FAM47E: variants seen among roughly 807,000 people sequenced by gnomAD.
FAM47E encodes the protein protein FAM47E.
In FAM47E, 32 loss-of-function variants were observed where a neutral mutation model predicts 41.6. That is an observed-to-expected ratio of 0.77 (90% confidence interval 0.58 to 1.03). The LOEUF is 1.03. FAM47E is among the 50% of genes least tolerant of loss of function. The pLI, the probability that FAM47E is intolerant of heterozygous loss-of-function variation, is 0.00. For synonymous variants in FAM47E, 184 were observed against 188.7 expected (o/e 0.98, Z 0.20); for missense variants, 424 against 485.4 (o/e 0.87, Z 1.19).
At chr4:76,252,865 C>T (rs1486868100) in intron 1 of FAM47E, among the ~76,000 whole-genome samples, 3 of 152,188 alleles carry the variant, frequency 2.0e-5, no homozygotes, top group Non-Finnish European at 2.9e-5. Context: ...CAGGAAACGT[C>T]ATTGGCAGAA....
At chr4:76,236,524 A>T (rs1733588909) in intron 2 of FAM47E, 1 of 152,124 alleles carries the variant, frequency 6.6e-6, no homozygotes, top group Non-Finnish European at 1.5e-5. Flanking sequence ...CCCTCAGGAG[A>T]TCCTGAGAAC....
chr4:76,263,511 G>T (rs1249714518), intron 2 of FAM47E, among the ~76,000 whole-genome samples, 193 bp from the exon 3 acceptor site: 2 of 151,916 alleles, frequency 1.3e-5, no homozygotes, highest in Non-Finnish European at 2.9e-5. Flanking sequence ...TTAACATTTG[G>T]GATTATGCCT....
At chr4:76,237,284 G>A (rs536139494) in intron 2 of FAM47E, among the ~76,000 whole-genome samples, 1 of 151,640 alleles carries the variant, frequency 6.6e-6, no homozygotes, top group East Asian at 1.9e-4. Context: ...TTCCCATCAT[G>A]CCTCAGGTTT....
chr4:76,253,375 A>C (rs1734053055), intron 1 of FAM47E, among the ~76,000 whole-genome samples: 1 of 152,126 alleles, frequency 6.6e-6, no homozygotes, highest in African/African-American at 2.4e-5. Flanking sequence ...ATACTTTTTC[A>C]TTTCTTTAGG....
chr4:76,214,317 A>G (rs965970319), exon 1 of FAM47E: 6 of 455,996 alleles, frequency 1.3e-5, no homozygotes, highest in African/African-American at 4.0e-5. Flanking sequence ...AGGGCCCCAC[A>G]TTGAACTGGG....
At chr4:76,239,374 C>T (rs1407519621) in intron 2 of FAM47E, among the ~76,000 whole-genome samples, 1 of 152,204 alleles carries the variant, frequency 6.6e-6, no homozygotes, top group Non-Finnish European at 1.5e-5. Context: ...AATTTCTCCA[C>T]ATCCTTGCCA....
chr4:76,256,453 A>G lies in FAM47E; in HGVS notation c.350A>G (p.Asp117Gly). Residue 117 changes from aspartate (D) to glycine (G), a missense_variant, in exon 2 of 8, where the codon GAC (aspartate) becomes GGC (glycine). Coordinates refer to ENST00000424749, the MANE Select transcript of FAM47E (RefSeq NM_001136570.3). Reference sequence around the variant, plus strand: ...CAGGCTCGGAAGGCATTCCTGGAGGACGTGGAGGCCCACCTGACCCCACAT... The same window carrying G: ...CAGGCTCGGAAGGCATTCCTGGAGGGCGTGGAGGCCCACCTGACCCCACAT... Reference protein sequence around the residue: ...AQQARKAFLEDVEAHLTPHPL... With the variant: ...AQQARKAFLEGVEAHLTPHPL... 1.3e-6 allele frequency: 2 copies of G among 1,551,938 alleles called. No homozygotes were observed. The highest frequency in any genetic ancestry group is 1.7e-6 in the Non-Finnish European group (2 of 1,147,190).
intron 1 of FAM47E, 39 bp downstream of exon 1, chr4:76,251,859 C>G (rs1241559434): frequency 7.3e-7 from 1 of 1,370,138 alleles, no homozygotes. Flanking sequence ...GCATCCCACG[C>G]GGGCCGCGCG....
At position 76,271,683 on chromosome 4, in the gene FAM47E, T is replaced by G. The variant is rs960123621; in HGVS notation, c.785T>G (p.Leu262Arg). The change falls in exon 5 of 8, where the codon CTA (leucine) becomes CGA (arginine). Residue 262 changes from leucine (L) to arginine (R), a missense_variant. By Grantham distance (102) the Leu-to-Arg change is moderately radical (BLOSUM62 -2). Transcript: ENST00000424749. ...TMKLNQVPLE[L>R]KRSVGLSKLQ... ...AAGCTAAATCAGGTTCCTCTGGAGCTAAAGCGTAGTGTGGGGCTCAGTAAA... is the reference window on the plus strand; with the variant it reads ...AAGCTAAATCAGGTTCCTCTGGAGCGAAAGCGTAGTGTGGGGCTCAGTAAA... 6.4e-7 allele frequency: 1 copy of G among 1,552,010 alleles called. No individual in the cohort carries two copies. Among genetic ancestry groups the G allele is most frequent in the Admixed American group, 2.0e-5 (1 of 51,004 alleles).
chr4:76,214,456 A>G, intron 1 of FAM47E: 2 of 371,250 alleles, frequency 5.4e-6, no homozygotes, highest in Non-Finnish European at 1.1e-5. Context: ...GAAAGAGCAA[A>G]ACCTGTAGGA....
intron 2 of FAM47E, among the ~76,000 whole-genome samples, chr4:76,262,993 C>T (rs1204445656): frequency 6.6e-6 from 1 of 151,968 alleles, no homozygotes; most frequent in African/African-American, 2.4e-5. Flanking sequence ...TCTCAAACTC[C>T]TGGCCTCATG....
At chr4:76,236,982 G>A (rs556855174) in intron 2 of FAM47E, among the ~76,000 whole-genome samples, 165 of 149,410 alleles carry the variant, frequency 1.1e-3, no homozygotes, top group African/African-American at 3.7e-3. Flanking sequence ...TGCAAGCTCC[G>A]TCTCCCAGGT....
Position 76,251,774 on chromosome 4 carries a change from C to T in FAM47E, c.28C>T (p.Pro10Ser). Reference protein sequence around the residue: MADRRRRLRPGTLAPVREGV... With the variant: MADRRRRLRSGTLAPVREGV... ...GGCGGACCGCAGGCGGCGGCTCCGG[C>T]CGGGGACGTTGGCCCCGGTGCGCGA... The change falls in exon 1 of 8, where the codon CCG becomes TCG. Residue 10 changes from proline to serine, a missense_variant. Pro to Ser is a moderately conservative substitution (Grantham distance 74, BLOSUM62 -1). Transcript: ENST00000424749. 1 of 1,490,006 alleles carries T rather than the reference C, an allele frequency of 6.7e-7. No individual in the cohort carries two copies. The highest frequency in any genetic ancestry group is 8.9e-7 in the Non-Finnish European group (1 of 1,126,172). The allele number at this position is 1,490,006 out of a possible 1,614,324, so 92.3% of individuals were successfully genotyped here. A position where few individuals can be genotyped will look rare whatever the true frequency, so the allele number is the denominator to read the frequency against.
chr4:76,246,735 A>C (rs1030316202), upstream of FAM47E, among the ~76,000 whole-genome samples: 6 of 152,088 alleles, frequency 3.9e-5, no homozygotes, highest in African/African-American at 1.5e-4. Flanking sequence ...TTATCATTAT[A>C]AATTAATTTT....
intron 2 of FAM47E, among the ~76,000 whole-genome samples, chr4:76,230,565 G>A (rs562416680): frequency 6.6e-6 from 1 of 152,160 alleles, no homozygotes; most frequent in African/African-American, 2.4e-5. Flanking sequence ...TTCTGCTCAA[G>A]AGAGTTTATG....
chr4:76,215,399 T>C (rs1351760819), intron 1 of FAM47E, among the ~76,000 whole-genome samples: 1 of 152,014 alleles, frequency 6.6e-6, no homozygotes, highest in Non-Finnish European at 1.5e-5. Context: ...ACTCTGCGCA[T>C]TGCTGCATCC....
Position 76,283,401 on chromosome 4 carries a change from C to T in FAM47E, c.1125C>T (p.Ile375=), listed in dbSNP as rs918526490. Residue 375 remains isoleucine, a synonymous_variant, in exon 8 of 8, where the codon ATC becomes ATT. Coordinates refer to ENST00000424749, the MANE Select transcript of FAM47E (RefSeq NM_001136570.3). The stretch of plus-strand genomic sequence containing the variant: ...TTTAGTTCCTTGAGAATATGTATAT[C>T]GGGAAGGAATGTAAACGTGCATGTA... ...RTPRFLENMY[I]GKECKRACNK... is the part of the protein sequence containing the mutation. 29 of 1,545,434 alleles carry T rather than the reference C, an allele frequency of 1.9e-5. No homozygotes were observed. Among genetic ancestry groups the T allele is most frequent in the Non-Finnish European group, 2.5e-5 (28 of 1,141,932 alleles).
chr4:76,267,578 A>G (rs1734695046), intron 3 of FAM47E: 1 of 152,260 alleles, frequency 6.6e-6, no homozygotes, highest in Non-Finnish European at 1.5e-5. Flanking sequence ...AAGCTTGTTC[A>G]TGAATATCCA....
upstream of FAM47E, among the ~76,000 whole-genome samples, chr4:76,250,804 T>G (rs7657929): frequency 0.75 from 114,043 of 152,074 alleles, 43,358 homozygotes; most frequent in East Asian, 0.82. Context: ...TGTTAAGTAG[T>G]CAGGACAAAT....
Sources: allele counts gnomAD v4.1 joint callset (sites outside exome capture counted in the v4.1 genomes callset), GRCh38; gene constraint gnomAD v4.1.1; transcripts MANE v1.5; gene names NCBI Gene and HGNC (gene_info 2026-07-23, HGNC 2026-07-21).